Variants in OLFML1 observed in about 807,000 individuals in gnomAD.
OLFML1 encodes olfactomedin-like protein 1.
OLFML1 carries 33 observed loss-of-function variants against 37.3 expected under a neutral mutation model. That is an observed-to-expected ratio of 0.88 (90% CI 0.67 to 1.18). The LOEUF (loss-of-function observed/expected upper bound fraction) is 1.18, where lower values mean the gene tolerates loss of function less well. Among genes scored for constraint, OLFML1 ranks in the 50% most tolerant of loss-of-function variants. OLFML1 has a pLI of 0.00. For synonymous variants in OLFML1, 186 were observed against 181.3 expected (o/e 1.03, Z -0.21); for missense variants, 545 against 483.7 (o/e 1.13, Z -1.19).
intron 2 of OLFML1, among the ~76,000 whole-genome samples, chr11:7,497,395 T>C (rs1848676278): frequency 1.3e-5 from 2 of 152,174 alleles, no homozygotes; most frequent in South Asian, 2.1e-4. Context: ...ATGTATAATA[T>C]GCAGACAGAA....
At chr11:7,504,092 G>C (rs1438939072) in intron 2 of OLFML1, among the ~76,000 whole-genome samples, 1 of 152,158 alleles carries the variant, frequency 6.6e-6, no homozygotes, top group African/African-American at 2.4e-5. Context: ...TCCCTGGAGA[G>C]CTGGAGAAGA....
At chr11:7,497,353 G>A (rs1416687877) in intron 2 of OLFML1, among the ~76,000 whole-genome samples, 6 of 152,132 alleles carry the variant, frequency 3.9e-5, no homozygotes, top group Admixed American at 3.9e-4. Context: ...TTCTTTTGAG[G>A]GAGGCCAAAC....
chr11:7,502,319 T>C (rs10769795), intron 2 of OLFML1, among the ~76,000 whole-genome samples: 90,652 of 152,130 alleles, frequency 0.6, 27,343 homozygotes, highest in African/African-American at 0.61. Flanking sequence ...ATTATGTAGA[T>C]TCCTTAGGCC....
chr11:7,497,011 TAGAG>T (rs1373665508), intron 2 of OLFML1, among the ~76,000 whole-genome samples: 1 of 152,154 alleles, frequency 6.6e-6, no homozygotes, highest in Non-Finnish European at 1.5e-5. Flanking sequence ...GCCTGGGTGA[TAGAG>T]AAAGACCCTG....
At chr11:7,507,387 T>C (rs977267524) in intron 2 of OLFML1, among the ~76,000 whole-genome samples, 1 of 152,128 alleles carries the variant, frequency 6.6e-6, no homozygotes, top group Non-Finnish European at 1.5e-5. Flanking sequence ...TTTACTTCAC[T>C]CCTGCTCGCA....
intron 1 of OLFML1, among the ~76,000 whole-genome samples, chr11:7,486,305 T>C (rs969868803): frequency 6.6e-6 from 1 of 152,224 alleles, no homozygotes; most frequent in Non-Finnish European, 1.5e-5. Context: ...ATTTAATCCA[T>C]AGCTAAAATA....
chr11:7,501,604 G>C (rs368195351), intron 2 of OLFML1, among the ~76,000 whole-genome samples: 10 of 152,330 alleles, frequency 6.6e-5, no homozygotes, highest in African/African-American at 2.4e-4. Flanking sequence ...CTGACTTGCT[G>C]AGACTCAGCT....
intron 2 of OLFML1, among the ~76,000 whole-genome samples, chr11:7,494,431 G>A (rs1848637228): frequency 2.0e-5 from 3 of 151,660 alleles, no homozygotes; most frequent in South Asian, 2.1e-4. Context: ...CAATACTCAC[G>A]ATAACCCTGT....
Position 7,485,699 on chromosome 11 carries a change from A to G in OLFML1, c.-177A>G. The G allele has an allele frequency of 1.5e-6, 1 of 657,444 alleles. No homozygotes were observed. 40.7% of individuals were successfully genotyped at this position (657,444 alleles called of 1,614,324 possible). ...GCTGGACTTGATCACTAGCTGGCAA[A>G]CTGAGCTCACGTATCGGGTGGAATA... On this transcript the variant is annotated 5_prime_UTR_variant, in exon 1 of 3. Coordinates refer to ENST00000329293, the MANE Select transcript of OLFML1 (RefSeq NM_198474.4).
rs145126964 is a variant in OLFML1, at chr11:7,509,742, G to A, written c.763G>A (p.Gly255Arg). 8.7e-6 allele frequency: 14 copies of A among 1,614,232 alleles called. 1 individual carries two copies. The highest frequency in any genetic ancestry group is 1.7e-5 in the Admixed American group (1 of 60,036). The part of the protein sequence containing the change: ...TVEDRMLLPG[G>R]VGRALVYQHS... ...GGAAGATCGAATGCTGCTCCCAGGA[G>A]GGGTAGGCCGAGCATTGGTTTACCA... The change falls in exon 3 of 3, where the codon GGG becomes AGG. Residue 255 changes from glycine to arginine, a missense_variant. Physicochemically the swap from Gly to Arg is moderately radical, Grantham distance 125. Coordinates refer to ENST00000329293, the MANE Select transcript of OLFML1 (RefSeq NM_198474.4).
Position 7,485,522 on chromosome 11 carries a change from C to A in OLFML1, c.-354C>A, listed in dbSNP as rs968550349. 2.5e-5 allele frequency: 5 copies of A among 202,858 alleles called. No individual in the cohort carries two copies. The highest frequency in any genetic ancestry group is 5.0e-5 in the Non-Finnish European group (5 of 100,208). The allele number at this position is 202,858 out of a possible 1,614,324, so 12.6% of individuals were successfully genotyped here. A position where few individuals can be genotyped will look rare whatever the true frequency, so the allele number is the denominator to read the frequency against. ...GGGGAAGCCATCTTCACCCCCCACC[C>A]CAATGCACACACAATTAAGCCAGGA... On this transcript the variant is annotated 5_prime_UTR_variant, in exon 1 of 3. Coordinates refer to ENST00000329293, the MANE Select transcript of OLFML1 (RefSeq NM_198474.4).
intron 1 of OLFML1, among the ~76,000 whole-genome samples, chr11:7,487,571 C>G (rs1179408984): frequency 6.6e-6 from 1 of 152,152 alleles, no homozygotes; most frequent in Non-Finnish European, 1.5e-5. Flanking sequence ...TGGCCCTGTG[C>G]CAAGTGCTAG....
intron 1 of OLFML1, 95 bp downstream of exon 1, chr11:7,486,099 C>G (rs888883306): frequency 8.0e-7 from 1 of 1,255,222 alleles, no homozygotes; most frequent in African/African-American, 1.5e-5. Context: ...TGTATTTTTC[C>G]CAGATAGCAA....
intron 2 of OLFML1, among the ~76,000 whole-genome samples, chr11:7,502,418 C>T (rs1848733739): frequency 1.3e-5 from 2 of 150,982 alleles, no homozygotes; most frequent in African/African-American, 2.4e-5. Context: ...TCACTCATAC[C>T]GCTTTATGGA....
chr11:7,497,682 T>G (rs569196977), intron 2 of OLFML1, among the ~76,000 whole-genome samples: 1 of 152,332 alleles, frequency 6.6e-6, no homozygotes, highest in South Asian at 2.1e-4. Context: ...TTTTCATAAT[T>G]TATTGCTATT....
chr11:7,494,003 C>T (rs1848633452), intron 2 of OLFML1, among the ~76,000 whole-genome samples: 2 of 152,116 alleles, frequency 1.3e-5, no homozygotes, highest in South Asian at 4.1e-4. Context: ...GTCACAAAAG[C>T]ACAGGGGGCA....
At chr11:7,506,683 C>A (rs1455297404) in intron 2 of OLFML1, among the ~76,000 whole-genome samples, 1 of 152,154 alleles carries the variant, frequency 6.6e-6, no homozygotes, top group Non-Finnish European at 1.5e-5. Context: ...AACTCCGGGA[C>A]AAGGCAGATG....
intron 2 of OLFML1, among the ~76,000 whole-genome samples, chr11:7,507,026 G>C (rs1318936889): frequency 6.6e-6 from 1 of 152,154 alleles, no homozygotes; most frequent in Non-Finnish European, 1.5e-5. Flanking sequence ...AGTTTCCATG[G>C]AATTGAAGAG....
At chr11:7,491,263 T>A (rs1848594239) in intron 2 of OLFML1, among the ~76,000 whole-genome samples, 1 of 152,172 alleles carries the variant, frequency 6.6e-6, no homozygotes, top group Non-Finnish European at 1.5e-5. Flanking sequence ...ATAATGCTCC[T>A]GGAGCAATTC....
Sources: allele counts gnomAD v4.1 joint callset (sites outside exome capture counted in the v4.1 genomes callset), GRCh38; gene constraint gnomAD v4.1.1; transcripts MANE v1.5; gene names NCBI Gene and HGNC (gene_info 2026-07-23, HGNC 2026-07-21).